The following SV2B variants were observed in gnomAD, a reference collection of about 807,000 sequenced individuals.
SV2B encodes synaptic vesicle glycoprotein 2B.
A neutral mutation model predicts 73.9 loss-of-function variants in SV2B; 41 were observed. The observed-to-expected ratio is 0.56, with a 90% CI of 0.43 to 0.72. The LOEUF is 0.72. Among genes scored for constraint, SV2B ranks in the 30% least tolerant of loss-of-function variants. The pLI is 0.00. For synonymous variants in SV2B, 314 were observed against 314.2 expected (o/e 1.00, Z 0.01); for missense variants, 764 against 857.8 (o/e 0.89, Z 1.37).
Position 91,252,303 on chromosome 15 carries a change from G to A in SV2B, c.633-66G>A, listed in dbSNP as rs2047517375. 1.3e-6 allele frequency: 2 copies of A among 1,544,600 alleles called. No individual in the cohort carries two copies. Among genetic ancestry groups the A allele is most frequent in the African/African-American group, 2.8e-5 (2 of 72,724 alleles). On this transcript the variant is annotated intron_variant, in intron 3 of 12. Transcript: ENST00000394232. The surrounding 1 kb of genome is among the most constrained non-coding windows in gnomAD (Gnocchi z 4.6). ...GCCTAAGGTGGGGTATAGGCAACTT[G>A]GTTTCTGCTGTGACCATTTTTAGTG...
In SV2B at chr15:91,299,250, A is replaced by G. The variant is rs1296913476; in HGVS notation, c.*6698A>G. ...TTGCATAAAAATACTTACAAACATA[A>G]CTATAAGCAATTGATGAGCAAATTA... On this transcript the variant is annotated 3_prime_UTR_variant, in exon 13 of 13. Coordinates refer to ENST00000394232, the MANE Select transcript of SV2B (RefSeq NM_001323032.3). The G allele has an allele frequency of 6.6e-6, 1 of 152,168 alleles. No homozygotes were observed. The highest frequency in any genetic ancestry group is 1.9e-4 in the East Asian group (1 of 5,200). 9.4% of individuals were successfully genotyped at this position (152,168 alleles called of 1,614,324 possible). A position where few individuals can be genotyped will look rare whatever the true frequency, so the allele number is the denominator to read the frequency against.
chr15:91,172,210 C>A (rs1044081001), intron 1 of SV2B, among the ~76,000 whole-genome samples: 3 of 152,224 alleles, frequency 2.0e-5, no homozygotes, highest in African/African-American at 7.2e-5. Context: ...AGCCTCTTCT[C>A]CTCCCCCTCT....
chr15:91,178,542 A>G (rs2044417140), intron 1 of SV2B, among the ~76,000 whole-genome samples: 1 of 152,038 alleles, frequency 6.6e-6, no homozygotes, highest in Admixed American at 6.6e-5. Flanking sequence ...TTGGTTGGTA[A>G]GCTATTGATT....
chr15:91,291,375 A>G (rs957794126), intron 12 of SV2B, among the ~76,000 whole-genome samples: 2 of 152,314 alleles, frequency 1.3e-5, no homozygotes, highest in Admixed American at 6.5e-5. Context: ...TGGTACAGTT[A>G]TAGACAAAAA....
chr15:91,196,305 C>T (rs2141368803), intron 1 of SV2B, among the ~76,000 whole-genome samples: 1 of 152,278 alleles, frequency 6.6e-6, no homozygotes, highest in African/African-American at 2.4e-5. Context: ...CATGTCTACA[C>T]AATTAAAATA....
In SV2B at chr15:91,267,484, T is replaced by G; in HGVS notation, c.1120-71T>G. 1.6e-5 allele frequency: 21 copies of G among 1,337,886 alleles called. No individual in the cohort carries two copies. The highest frequency in any genetic ancestry group is 2.0e-5 in the Non-Finnish European group (19 of 941,702). 82.9% of individuals were successfully genotyped at this position (1,337,886 alleles called of 1,614,324 possible). A position where few individuals can be genotyped will look rare whatever the true frequency, so the allele number is the denominator to read the frequency against. ...GCAACTTATTAGAATATCTGAGTAA[T>G]GAGCTCTTCGTGGGAGAAACAAAGT... On this transcript the variant is annotated intron_variant, in intron 7 of 12. Transcript: ENST00000394232. The surrounding 1 kb of genome is among the most constrained non-coding windows in gnomAD (Gnocchi z 4.3).
At chr15:91,104,247 A>AT (rs1186625195) in intron 1 of SV2B, among the ~76,000 whole-genome samples, 4 of 152,060 alleles carry the variant, frequency 2.6e-5, no homozygotes, top group Non-Finnish European at 5.9e-5. Context: ...TGCTCATGTG[A>AT]TTTTGGTCTG....
rs143936916 is a variant in SV2B at position 91,194,464 on chromosome 15, G to A, written c.-391-31409G>A. Among the ~76,000 whole-genome samples the A allele has an allele frequency of 2.9e-3, 438 of 152,272 alleles. 3 individuals carry two copies. The highest frequency in any genetic ancestry group is 0.02 in the Admixed American group (302 of 15,296). On this transcript the variant is annotated intron_variant, in intron 1 of 12. Transcript: ENST00000394232. ...TGTGTATGTCTTTTGGTGGCCATAC[G>A]CACTCTTTTCTCTTGAGTGAATACC...
chr15:91,116,244 C>G (rs1044287633), intron 1 of SV2B, among the ~76,000 whole-genome samples: 1 of 152,240 alleles, frequency 6.6e-6, no homozygotes, highest in East Asian at 1.9e-4. Context: ...CTCTGTTTTC[C>G]TAAAACCAGG....
At chr15:91,174,701 C>A (rs2044241196) in intron 1 of SV2B, among the ~76,000 whole-genome samples, 1 of 152,104 alleles carries the variant, frequency 6.6e-6, no homozygotes, top group South Asian at 2.1e-4. Flanking sequence ...TAGTGATAGT[C>A]AAAGAAAAGC....
intron 9 of SV2B, among the ~76,000 whole-genome samples, chr15:91,274,687 G>A (rs1289360023): frequency 1.4e-4 from 21 of 152,064 alleles, no homozygotes; most frequent in Non-Finnish European, 1.0e-4. Context: ...CAGCTATTTA[G>A]AAGTGCATTT....
At chr15:91,200,064 C>T (rs1309446880) in intron 1 of SV2B, among the ~76,000 whole-genome samples, 1 of 152,182 alleles carries the variant, frequency 6.6e-6, no homozygotes, top group Non-Finnish European at 1.5e-5. Flanking sequence ...TTAAATGGTC[C>T]AGGAAATGTT....
intron 9 of SV2B, among the ~76,000 whole-genome samples, chr15:91,273,011 T>C (rs1449284344): frequency 6.6e-6 from 1 of 151,904 alleles, no homozygotes; most frequent in Non-Finnish European, 1.5e-5. Flanking sequence ...ATTTGTACTT[T>C]TAGTAGAGAT....
In SV2B at chr15:91,267,848, G is replaced by A. The variant is rs1393490227; in HGVS notation, c.1208+205G>A. Among the ~76,000 whole-genome samples, 1 of 151,270 alleles carries A rather than the reference G, an allele frequency of 6.6e-6. No homozygotes were observed. The highest frequency in any genetic ancestry group is 1.5e-5 in the Non-Finnish European group (1 of 67,962). On this transcript the variant is annotated intron_variant, in intron 8 of 12. Transcript: ENST00000394232. The surrounding 1 kb of genome is among the most constrained non-coding windows in gnomAD (Gnocchi z 4.3). ...AGACAGAGTCTTGCTCTGCACCCAG[G>A]CTGGAGTTCAGTGGCATGGGCTTGG...
intron 1 of SV2B, among the ~76,000 whole-genome samples, chr15:91,133,685 C>G (rs1178698368): frequency 1.3e-5 from 2 of 152,154 alleles, no homozygotes; most frequent in Admixed American, 1.3e-4. Flanking sequence ...TCCAAACTCT[C>G]CACACTTCCT....
rs2042235574 is a variant in SV2B at position 91,118,381 on chromosome 15, G to A, written c.-392+18018G>A. 6.6e-6 allele frequency among the ~76,000 whole-genome samples: 1 copy of A among 152,234 alleles called. No individual in the cohort carries two copies. The highest frequency in any genetic ancestry group is 1.5e-5 in the Non-Finnish European group (1 of 68,036). The stretch of plus-strand genomic sequence containing the variant: ...TTTGGCAGGCAGCTGATTTAATGGA[G>A]TAGCCCATGCCAGCAAGAAAGATGG... On this transcript the variant is annotated intron_variant, in intron 1 of 12. Transcript: ENST00000394232. The surrounding 1 kb of genome is among the most constrained non-coding windows in gnomAD (Gnocchi z 4.7).
At chr15:91,170,462 A>G (rs1164614238) in intron 1 of SV2B, among the ~76,000 whole-genome samples, 1 of 152,044 alleles carries the variant, frequency 6.6e-6, no homozygotes, top group South Asian at 2.1e-4. Context: ...TGATTTTTGT[A>G]TTTTTAATAG....
At position 91,258,547 on chromosome 15, in the gene SV2B, T is replaced by C; in HGVS notation, c.911T>C (p.Leu304Pro). 2.5e-6 allele frequency: 4 copies of C among 1,613,994 alleles called. No individual in the cohort carries two copies. Among genetic ancestry groups the C allele is most frequent in the Non-Finnish European group, 3.4e-6 (4 of 1,179,922 alleles). ...TTCATGCCAGAGAGCCCAAGGTTTC[T>C]GCTAGAGGTGAGTCAGTGCTTTTCC... ...LKFMPESPRF[L>P]LEMGKHDEAW... Residue 304 changes from leucine (L) to proline (P), a missense_variant, in exon 5 of 13, where the codon CTG (leucine) becomes CCG (proline). Physicochemically the swap from Leu to Pro is moderately conservative, Grantham distance 98. Transcript: ENST00000394232. This position sits in a 1 kb window ranked among gnomAD's most constrained non-coding sequence, Gnocchi z 4.7.
In SV2B at chr15:91,289,919, A is replaced by G. The variant is rs932409135; in HGVS notation, c.1868+239A>G. ...AAGAAGCAAAGGATGGGAGCAAACT[A>G]TGTCCAGGAGAAGGAAATAAGAGTG... On this transcript the variant is annotated intron_variant, in intron 12 of 12. Transcript: ENST00000394232. This position sits in a 1 kb window ranked among gnomAD's most constrained non-coding sequence, Gnocchi z 4.9. Among the ~76,000 whole-genome samples, 1 of 152,216 alleles carries G rather than the reference A, an allele frequency of 6.6e-6. No homozygotes were observed. Among genetic ancestry groups the G allele is most frequent in the African/African-American group, 2.4e-5 (1 of 41,466 alleles).
Sources: allele counts gnomAD v4.1 joint callset (sites outside exome capture counted in the v4.1 genomes callset), GRCh38; gene constraint gnomAD v4.1.1; non-coding constraint Gnocchi (gnomAD v3.1); transcripts MANE v1.5; gene names NCBI Gene and HGNC (gene_info 2026-07-23, HGNC 2026-07-21).